The following GLIS3 variants were observed in gnomAD, a reference collection of about 807,000 sequenced individuals.
GLIS3 encodes the protein zinc finger protein GLIS3.
Under a neutral mutation model 78.6 loss-of-function variants are expected in GLIS3, and 53 were observed. The observed-to-expected ratio is 0.67, with a 90% CI of 0.54 to 0.85. GLIS3 has a LOEUF of 0.85. Among genes scored for constraint, GLIS3 ranks in the 40% least tolerant of loss-of-function variants. The pLI is 0.00. For missense variants in GLIS3, 1,703 were observed against 1,231.1 expected, an observed-to-expected ratio of 1.38 and a Z score of -5.74; for synonymous variants, 684 against 509.9, an observed-to-expected ratio of 1.34 and a Z score of -4.60.
At chr9:4,235,296 C>T (rs1247952736) in intron 2 of GLIS3, among the ~76,000 whole-genome samples, 8 of 6,468 alleles carry the variant, frequency 1.2e-3, no homozygotes, top group African/African-American at 6.9e-3. Flanking sequence ...GAGACTCTGT[C>T]TCAAAAAAAA....
At chr9:4,483,505 G>T in the GLIS3 span, among the ~76,000 whole-genome samples, 1 of 151,966 alleles carries the variant, frequency 6.6e-6, no homozygotes, top group African/African-American at 2.4e-5. Flanking sequence ...AGATCACGAG[G>T]TCAGGAGTTT....
rs368351043 is a variant in GLIS3, at chr9:3,912,128, C to T, written c.1984-13293G>A. On this transcript the variant is annotated intron_variant, in intron 6 of 10. Coordinates refer to ENST00000381971, the MANE Select transcript of GLIS3 (RefSeq NM_001042413.2). Reference sequence around the variant, plus strand: ...TAAAATGGAGTGATAACATTAACTCCGTAGGCTTGTAACAGAATTACATGA... The same window carrying T: ...TAAAATGGAGTGATAACATTAACTCTGTAGGCTTGTAACAGAATTACATGA... Among the ~76,000 whole-genome samples, 16 of 152,210 alleles carry T rather than the reference C, an allele frequency of 1.1e-4. No homozygotes were observed. The East Asian group carries it at 3.1e-3, about 29-fold the overall frequency.
chr9:4,260,489 C>G (rs1250321662), intron 2 of GLIS3, among the ~76,000 whole-genome samples: 2 of 151,404 alleles, frequency 1.3e-5, no homozygotes, highest in Non-Finnish European at 2.9e-5. Context: ...ATTGCTTGAA[C>G]TCGGGGGGCA....
At chr9:3,843,789 G>A (rs1818869050) in intron 9 of GLIS3, among the ~76,000 whole-genome samples, 1 of 152,212 alleles carries the variant, frequency 6.6e-6, no homozygotes. Flanking sequence ...TTCCCTGAAT[G>A]ATTTTGTCAC....
intron 2 of GLIS3, among the ~76,000 whole-genome samples, chr9:4,222,070 T>C (rs1372414178): frequency 6.6e-6 from 1 of 152,150 alleles, no homozygotes; most frequent in Non-Finnish European, 1.5e-5. Flanking sequence ...GCATCCAGAT[T>C]TATCTGGTTT....
At chr9:4,322,924 C>G (rs1312071348) in intron 2 of GLIS3, among the ~76,000 whole-genome samples, 1 of 152,150 alleles carries the variant, frequency 6.6e-6, no homozygotes, top group East Asian at 1.9e-4. Flanking sequence ...AATGAGATCC[C>G]ATTTGTCCAT....
intron 8 of GLIS3, among the ~76,000 whole-genome samples, chr9:3,862,663 G>C (rs372519644): frequency 3.3e-5 from 5 of 152,054 alleles, no homozygotes; most frequent in South Asian, 4.2e-4. Context: ...GCACTGCTTT[G>C]GGGGTTAACA....
At chr9:4,356,712 A>T in the GLIS3 span, among the ~76,000 whole-genome samples, 3 of 152,344 alleles carry the variant, frequency 2.0e-5, no homozygotes, top group African/African-American at 7.2e-5. Flanking sequence ...AAATCGCATG[A>T]CTATTAGAGC....
intron 2 of GLIS3, among the ~76,000 whole-genome samples, chr9:4,240,278 C>A (rs557659885): frequency 4.6e-5 from 7 of 152,034 alleles, no homozygotes; most frequent in Admixed American, 1.3e-4. Context: ...GAACGCACAA[C>A]CTAGATCCTC....
the GLIS3 span, among the ~76,000 whole-genome samples, chr9:4,438,405 G>T: frequency 6.6e-6 from 1 of 152,130 alleles, no homozygotes; most frequent in African/African-American, 2.4e-5. Context: ...GACTTCATTT[G>T]TTCATGTCCC....
At chr9:4,313,774 G>A (rs943105004) in intron 2 of GLIS3, among the ~76,000 whole-genome samples, 6 of 152,134 alleles carry the variant, frequency 3.9e-5, no homozygotes, top group African/African-American at 1.4e-4. Flanking sequence ...GCCTTCCCTG[G>A]GAGTCTCAAG....
At chr9:3,993,778 C>T (rs1235184062) in intron 4 of GLIS3, among the ~76,000 whole-genome samples, 1 of 152,182 alleles carries the variant, frequency 6.6e-6, no homozygotes, top group African/African-American at 2.4e-5. Flanking sequence ...TTAATATTGG[C>T]CTACTGCTAG....
chr9:4,190,893 A>G (rs1818270582), intron 2 of GLIS3, among the ~76,000 whole-genome samples: 1 of 152,226 alleles, frequency 6.6e-6, no homozygotes, highest in Admixed American at 6.5e-5. Context: ...ATTCTTAAAG[A>G]AAAGAATTTT....
At chr9:3,864,724 ACT>A (rs1163766694) in intron 8 of GLIS3, among the ~76,000 whole-genome samples, 1 of 152,176 alleles carries the variant, frequency 6.6e-6, no homozygotes, top group Non-Finnish European at 1.5e-5. Context: ...TAAAGATAAG[ACT>A]CAACATTTGA....
At chr9:4,061,734 G>A (rs897517471) in intron 4 of GLIS3, among the ~76,000 whole-genome samples, 7 of 152,070 alleles carry the variant, frequency 4.6e-5, no homozygotes, top group Admixed American at 1.3e-4. Context: ...ACAACATGAC[G>A]TCCTGAAATG....
chr9:4,158,684 A>C (rs955384465), intron 2 of GLIS3, among the ~76,000 whole-genome samples: 11 of 152,256 alleles, frequency 7.2e-5, no homozygotes, highest in African/African-American at 2.7e-4. Context: ...AAAACATATT[A>C]ACCAAGGATA....
At chr9:3,976,912 T>C (rs1301390465) in intron 4 of GLIS3, among the ~76,000 whole-genome samples, 1 of 126,220 alleles carries the variant, frequency 7.9e-6, no homozygotes, top group Non-Finnish European at 1.6e-5. Context: ...GGTATGAAAA[T>C]ATTTTGAGAG....
At chr9:4,280,547 C>T (rs1827450825) in intron 2 of GLIS3, among the ~76,000 whole-genome samples, 1 of 152,056 alleles carries the variant, frequency 6.6e-6, no homozygotes, top group African/African-American at 2.4e-5. Context: ...CAACACAAAA[C>T]AGCAGAAGGC....
intron 7 of GLIS3, among the ~76,000 whole-genome samples, chr9:3,883,664 C>T (rs941662970): frequency 6.6e-6 from 1 of 152,220 alleles, no homozygotes; most frequent in African/African-American, 2.4e-5. Flanking sequence ...AGCCGACACA[C>T]ACAGGCTGCC....
Sources: allele counts gnomAD v4.1 joint callset (sites outside exome capture counted in the v4.1 genomes callset), GRCh38; gene constraint gnomAD v4.1.1; transcripts MANE v1.5; gene names NCBI Gene and HGNC (gene_info 2026-07-23, HGNC 2026-07-21).